The following NSF variants were observed in gnomAD, a reference collection of about 807,000 sequenced individuals.
The protein encoded by NSF is vesicle-fusing ATPase.
A neutral mutation model predicts 50.3 loss-of-function variants in NSF; 14 were observed. The ratio of observed to expected loss-of-function variants is 0.28; its 90% CI spans 0.18 to 0.44. The LOEUF (loss-of-function observed/expected upper bound fraction) is 0.44. Ranked by LOEUF, NSF falls within the 20% of genes least tolerant of loss-of-function variation. NSF has a pLI of 1.00. For synonymous variants in NSF, 109 were observed against 175.7 expected (o/e 0.62, Z 3.00); for missense variants, 218 against 504.3 (o/e 0.43, Z 5.44).
chr17:46,747,419 G>A (rs58984774), intron 17 of NSF, among the ~76,000 whole-genome samples: 2,016 of 152,010 alleles, frequency 0.013, 53 homozygotes, highest in African/African-American at 0.047. Context: ...TACCTGGGAC[G>A]ACAGGCATTT....
chr17:46,704,994 G>GCCT, intron 13 of NSF, 140 bp downstream of exon 13: 1 of 593,046 alleles, frequency 1.7e-6, no homozygotes, highest in Non-Finnish European at 2.8e-6. Flanking sequence ...TTTAGTATTG[G>GCCT]AAATGTTCAG....
chr17:46,675,610 A>G (rs2058396364), intron 9 of NSF, among the ~76,000 whole-genome samples: 1 of 132,616 alleles, frequency 7.5e-6, no homozygotes, highest in Non-Finnish European at 1.5e-5. Context: ...GCATACATAC[A>G]TATTCATAGA....
intron 12 of NSF, among the ~76,000 whole-genome samples, chr17:46,697,220 T>G (rs985481741): frequency 7.7e-6 from 1 of 129,992 alleles, no homozygotes; most frequent in African/African-American, 3.2e-5. Context: ...TTTTTCTTTT[T>G]TTTTTTTTGA....
At chr17:46,715,615 A>G (rs2058760735) in intron 15 of NSF, among the ~76,000 whole-genome samples, 1 of 152,196 alleles carries the variant, frequency 6.6e-6, no homozygotes, top group African/African-American at 2.4e-5. Context: ...GTTTTTCTAT[A>G]AAGTTTTTAA....
At chr17:46,710,777 T>G (rs1229995390) in intron 13 of NSF, among the ~76,000 whole-genome samples, 186 bp from the exon 14 acceptor site, 1 of 151,462 alleles carries the variant, frequency 6.6e-6, no homozygotes, top group African/African-American at 2.4e-5. Flanking sequence ...CCAAAGCAGC[T>G]TTTTTTTTCC....
intron 2 of NSF, among the ~76,000 whole-genome samples, chr17:46,626,057 A>G (rs2058096137): frequency 6.8e-6 from 1 of 147,108 alleles, no homozygotes; most frequent in Non-Finnish European, 1.5e-5. Flanking sequence ...TTTTTAAAAC[A>G]GTAAATATTG....
chr17:46,597,788 CTTTTTTTTTT>C (rs1162187499), intron 1 of NSF, among the ~76,000 whole-genome samples: 95 of 44,218 alleles, frequency 2.1e-3, no homozygotes, highest in African/African-American at 4.5e-3. Context: ...TTGCAATACT[CTTTTTTTTTT>C]TTTTTTTTTT....
At chr17:46,721,469 G>A (rs2058830096) in intron 15 of NSF, 1 of 687,520 alleles carries the variant, frequency 1.5e-6, no homozygotes, top group African/African-American at 1.8e-5. Context: ...CCCTATATAT[G>A]TATGTTGATA....
At chr17:46,709,743 C>T (rs908153134) in intron 13 of NSF, among the ~76,000 whole-genome samples, 8 of 152,162 alleles carry the variant, frequency 5.3e-5, no homozygotes, top group African/African-American at 1.7e-4. Flanking sequence ...GATCCACCCG[C>T]CTCAGCCTCC....
intron 17 of NSF, among the ~76,000 whole-genome samples, chr17:46,743,039 G>GC (rs1369599022): frequency 6.6e-6 from 1 of 152,162 alleles, no homozygotes. Flanking sequence ...GCCCCACGCT[G>GC]CCATGAGTCC....
chr17:46,750,827 T>G (rs1417863125), intron 18 of NSF, among the ~76,000 whole-genome samples: 1 of 150,772 alleles, frequency 6.6e-6, no homozygotes, highest in Non-Finnish European at 1.5e-5. Context: ...GAACAATGAT[T>G]AAAGCCTTAG....
At chr17:46,720,376 A>ATAT (rs2058818012) in intron 15 of NSF, among the ~76,000 whole-genome samples, 1 of 152,104 alleles carries the variant, frequency 6.6e-6, no homozygotes, top group Non-Finnish European at 1.5e-5. Flanking sequence ...GTGACTTTTT[A>ATAT]TATTATTAAG....
At chr17:46,736,405 C>T (rs1473744663) in intron 17 of NSF, among the ~76,000 whole-genome samples, 2 of 152,164 alleles carry the variant, frequency 1.3e-5, no homozygotes, top group African/African-American at 2.4e-5. Flanking sequence ...TCTTTCCTAC[C>T]TTTCTGTCCC....
intron 12 of NSF, among the ~76,000 whole-genome samples, chr17:46,703,639 C>T (rs985783026): frequency 5.5e-5 from 8 of 145,118 alleles, no homozygotes; most frequent in Admixed American, 4.2e-4. Context: ...CGAGATCGCG[C>T]CACTGCACTC....
intron 17 of NSF, among the ~76,000 whole-genome samples, chr17:46,739,879 T>C (rs1184928496): frequency 2.0e-5 from 3 of 152,130 alleles, no homozygotes; most frequent in African/African-American, 7.2e-5. Flanking sequence ...TTTGTATTTT[T>C]AGCAGAGATG....
At chr17:46,725,702 G>A (rs530238464) in intron 15 of NSF, among the ~76,000 whole-genome samples, 1 of 152,204 alleles carries the variant, frequency 6.6e-6, no homozygotes, top group South Asian at 2.1e-4. Context: ...ATGTTGGTGC[G>A]GGTGGGGATC....
intron 17 of NSF, among the ~76,000 whole-genome samples, chr17:46,737,831 A>G (rs2059023945): frequency 6.6e-6 from 1 of 152,020 alleles, no homozygotes. Context: ...AGTCAGGGCC[A>G]TTGTGCCATG....
chr17:46,713,991 C>G lies in NSF; in HGVS notation c.1761+5C>G. ...AAATGTCAGGCCATGAAGAAGGTAT[C>G]AAGATTTTACTTTCATTTTAATTTC... On this transcript the variant is annotated splice_donor_5th_base_variant and intron_variant, in intron 15 of 20. Transcript: ENST00000398238. 2 of 1,596,422 alleles carry G rather than the reference C, an allele frequency of 1.3e-6. No homozygotes were observed. The highest frequency in any genetic ancestry group is 2.2e-5 in the East Asian group (1 of 44,656).
chr17:46,725,250 G>C (rs191064099), intron 15 of NSF, among the ~76,000 whole-genome samples: 15 of 152,300 alleles, frequency 9.8e-5, no homozygotes, highest in Admixed American at 9.2e-4. Context: ...ACTGAATTCT[G>C]TTCTGTGCTG....
Sources: allele counts gnomAD v4.1 joint callset (sites outside exome capture counted in the v4.1 genomes callset), GRCh38; gene constraint gnomAD v4.1.1; transcripts MANE v1.5; gene names NCBI Gene and HGNC (gene_info 2026-07-23, HGNC 2026-07-21).